The following LOXL4 variants were observed in gnomAD, a reference collection of about 807,000 sequenced individuals.
LOXL4 encodes lysyl oxidase like 4, also known as lysyl oxidase homolog 4.
LOXL4 carries 72 observed loss-of-function variants against 89.1 expected under a neutral mutation model. The ratio of observed to expected loss-of-function variants is 0.81; its 90% CI spans 0.67 to 0.98. The LOEUF is 0.98. LOXL4 is among the 50% of genes least tolerant of loss of function. The probability of loss-of-function intolerance (pLI) is 0.00; values close to 1 mark genes in which losing one functional copy is unlikely to be tolerated. For synonymous variants in LOXL4, 355 were observed against 392.1 expected (o/e 0.91, Z 1.12); for missense variants, 984 against 1,017.5 (o/e 0.97, Z 0.45).
At chr10:98,252,612 G>A (rs1858229535) in intron 11 of LOXL4, 144 bp from the exon 12 acceptor site, 9 of 600,956 alleles carry the variant, frequency 1.5e-5, no homozygotes, top group South Asian at 9.7e-5. Flanking sequence ...TCCCAAACCC[G>A]AGATTAGTGT....
Position 98,251,547 on chromosome 10 carries a change from A to G in LOXL4, c.2088+19T>C, listed in dbSNP as rs1387303179. ...CTGGAGGAAATCAGGCTCTGTGGGG[A>G]ATCCCCCAGCCGCCTTACCTGGAAG... is the stretch of plus-strand genomic sequence containing the variant. On this transcript the variant is annotated intron_variant, in intron 13 of 14. Transcript: ENST00000260702. 2 of 1,612,884 alleles carry G rather than the reference A, an allele frequency of 1.2e-6. No individual in the cohort carries two copies. The highest frequency in any genetic ancestry group is 1.7e-6 in the Non-Finnish European group (2 of 1,179,388).
At chr10:98,266,077 C>T (rs1858677179) in intron 1 of LOXL4, among the ~76,000 whole-genome samples, 1 of 152,154 alleles carries the variant, frequency 6.6e-6, no homozygotes, top group South Asian at 2.1e-4. Flanking sequence ...CATTGTTTCC[C>T]ATTCCCTCCT....
intron 9 of LOXL4, chr10:98,256,070 GCTC>G (rs1261488985): frequency 4.0e-6 from 1 of 249,466 alleles, no homozygotes; most frequent in East Asian, 8.9e-5. Flanking sequence ...TTCCCCAGCT[GCTC>G]CTCAAGCGGC....
chr10:98,257,878 A>AG lies in LOXL4; in HGVS notation c.1106-75dup, dbSNP rs1858425427. On this transcript the variant is annotated intron_variant, in intron 7 of 14. Coordinates refer to ENST00000260702, the MANE Select transcript of LOXL4 (RefSeq NM_032211.7). ...CACACTTGTGGCTTCCCCTTCACAGAGGGGGATAACTTTCTGTCCTGGCCC... is the reference window on the plus strand; with the variant it reads ...CACACTTGTGGCTTCCCCTTCACAGAGGGGGGATAACTTTCTGTCCTGGCCC... The AG allele has an allele frequency of 1.5e-4, 242 of 1,579,060 alleles. 1 individual carries two copies. The South Asian group carries it at 2.7e-3, about 18-fold the overall frequency.
intron 3 of LOXL4, 23 bp downstream of exon 3, chr10:98,262,012 C>G: frequency 6.3e-7 from 1 of 1,589,680 alleles, no homozygotes; most frequent in South Asian, 1.1e-5. Flanking sequence ...TGGCTCAGAC[C>G]AGAGCCTGAA....
At chr10:98,262,253 G>A (rs1397147572) in intron 2 of LOXL4, 40 bp from the exon 3 acceptor site, 4 of 1,605,544 alleles carry the variant, frequency 2.5e-6, no homozygotes, top group Non-Finnish European at 2.6e-6. Flanking sequence ...GCACAGAGAG[G>A]CAGGTCACAG....
Position 98,248,907 on chromosome 10 carries a change from G to A in LOXL4, c.*14C>T. ...TGGTGTATCGGCAGCAGCTAGGAGT[G>A]TGCAGTGACAGCTTCAGATGAGGTT... On this transcript the variant is annotated 3_prime_UTR_variant, in exon 15 of 15. Coordinates refer to ENST00000260702, the MANE Select transcript of LOXL4 (RefSeq NM_032211.7). 6.2e-7 allele frequency: 1 copy of A among 1,608,938 alleles called. No individual in the cohort carries two copies. The highest frequency in any genetic ancestry group is 8.5e-7 in the Non-Finnish European group (1 of 1,176,276).
In LOXL4 at chr10:98,261,015, A is replaced by G. The variant is rs1590883437; in HGVS notation, c.569T>C (p.Val190Ala). 1 of 1,613,586 alleles carries G rather than the reference A, an allele frequency of 6.2e-7. No homozygotes were observed. Residue 190 changes from valine (V) to alanine (A), a missense_variant, in exon 4 of 15, where the codon GTG (valine) becomes GCG (alanine). By Grantham distance (64) the Val-to-Ala change is moderately conservative. Coordinates refer to ENST00000260702, the MANE Select transcript of LOXL4 (RefSeq NM_032211.7). ...GTTCATGGTCCAGCCCTGGTCACAC[A>G]CCTGCCGCCAGTGGCCCTCATACTT... is the stretch of plus-strand genomic sequence containing the variant. ...EVKYEGHWRQ[V>A]CDQGWTMNNS...
chr10:98,255,534 C>T (rs1220196345), intron 10 of LOXL4, 43 bp downstream of exon 10: 2 of 1,567,630 alleles, frequency 1.3e-6, no homozygotes, highest in East Asian at 2.3e-5. Flanking sequence ...AAGGGGAGCA[C>T]AGGCCTACCT....
intron 1 of LOXL4, among the ~76,000 whole-genome samples, chr10:98,263,948 G>A (rs1858616371): frequency 6.6e-6 from 1 of 151,822 alleles, no homozygotes; most frequent in Non-Finnish European, 1.5e-5. Context: ...GGCCACACTG[G>A]TCTTGAACTC....
At chr10:98,252,541 A>ACAGGCCC (rs1858227759) in intron 11 of LOXL4, 73 bp from the exon 12 acceptor site, 1 of 1,049,232 alleles carries the variant, frequency 9.5e-7, no homozygotes, top group Non-Finnish European at 1.5e-6. Context: ...GGTAGGGAAG[A>ACAGGCCC]CAGGCCCCAG....
At position 98,258,014 on chromosome 10, in the gene LOXL4, G is replaced by T; in HGVS notation, c.1072C>A (p.Arg358=). The change falls in exon 7 of 15, where the codon CGG becomes AGG. Residue 358 remains arginine (R), a synonymous_variant. Coordinates refer to ENST00000260702, the MANE Select transcript of LOXL4 (RefSeq NM_032211.7). The part of the protein sequence containing the change: ...VCRQLGFGSA[R]EALFGARLGQ... ...AGCCGGGCCCCAAAGAGGGCCTCCC[G>T]AGCAGAGCCAAAGCCCAGCTGACGA... 1 of 1,613,870 alleles carries T rather than the reference G, an allele frequency of 6.2e-7. No homozygotes were observed. The highest frequency in any genetic ancestry group is 8.5e-7 in the Non-Finnish European group (1 of 1,180,022).
intron 13 of LOXL4, among the ~76,000 whole-genome samples, 178 bp downstream of exon 13, chr10:98,251,388 C>CATT (rs1858187671): frequency 6.6e-6 from 1 of 152,214 alleles, no homozygotes; most frequent in Non-Finnish European, 1.5e-5. Context: ...AATCAATACT[C>CATT]AAACACAGGT....
chr10:98,250,183 T>C (rs1858147596), intron 14 of LOXL4, among the ~76,000 whole-genome samples: 1 of 152,210 alleles, frequency 6.6e-6, no homozygotes, highest in South Asian at 2.1e-4. Context: ...TCCTGTGCTC[T>C]TTCTCTACTC....
In LOXL4 at chr10:98,251,541, G is replaced by A. The variant is rs138062420; in HGVS notation, c.2088+25C>T. ...GAACATCTGGAGGAAATCAGGCTCTGTGGGGAATCCCCCAGCCGCCTTACC... is the reference window on the plus strand; with the variant it reads ...GAACATCTGGAGGAAATCAGGCTCTATGGGGAATCCCCCAGCCGCCTTACC... On this transcript the variant is annotated intron_variant, in intron 13 of 14. Coordinates refer to ENST00000260702, the MANE Select transcript of LOXL4 (RefSeq NM_032211.7). 3,798 of 1,612,674 alleles carry A rather than the reference G, an allele frequency of 2.4e-3. 11 individuals carry two copies. Among genetic ancestry groups the A allele is most frequent in the Admixed American group, 2.8e-3 (168 of 59,900 alleles).
rs766992310 is a variant in LOXL4 at position 98,258,085 on chromosome 10, G to A, written c.1001C>T (p.Thr334Met). The A allele has an allele frequency of 2.2e-5, 35 of 1,613,532 alleles. No individual in the cohort carries two copies. The highest frequency in any genetic ancestry group is 6.7e-5 in the East Asian group (3 of 44,884). The change falls in exon 7 of 15, where the codon ACG becomes ATG. Residue 334 changes from threonine to methionine, a missense_variant. Transcript: ENST00000260702. ...GAGGTTCCACCTGTGGTCACAGACC[G>A]TGCCCCACTGGCGGTTCATGAGCAC... Reference protein sequence around the residue: ...VEVLMNRQWGTVCDHRWNLIS... With the variant: ...VEVLMNRQWGMVCDHRWNLIS...
intron 12 of LOXL4, chr10:98,251,959 T>A (rs945580158): frequency 3.8e-6 from 2 of 532,790 alleles, no homozygotes; most frequent in Admixed American, 7.1e-5. Flanking sequence ...CTAATTTACT[T>A]GTGCATCCGC....
At chr10:98,267,980 G>C (rs1484751372) in intron 1 of LOXL4, among the ~76,000 whole-genome samples, 152 bp downstream of exon 1, 1 of 152,162 alleles carries the variant, frequency 6.6e-6, no homozygotes, top group African/African-American at 2.4e-5. Context: ...GCGACTGGAG[G>C]GCCGGGCTGA....
chr10:98,256,916 T>A lies in LOXL4; in HGVS notation c.1292A>T (p.Glu431Val). The stretch of plus-strand genomic sequence containing the variant: ...CTCCACCTGCACCTCCAATAGCCCC[T>A]CCTCAGGGATACGCCCACCAGCCAA... ...VRLAGGRIPE[E>V]GLLEVQVEVN... The change falls in exon 9 of 15, where the codon GAG becomes GTG. Residue 431 changes from glutamate to valine, a missense_variant. Transcript: ENST00000260702. The A allele has an allele frequency of 6.2e-7, 1 of 1,613,660 alleles. No individual in the cohort carries two copies.
Sources: gnomAD v4.1 joint callset for allele counts (sites outside exome capture counted in the v4.1 genomes callset) on GRCh38, gnomAD v4.1.1 for gene constraint, MANE v1.5 for transcripts, NCBI Gene and HGNC (gene_info 2026-07-23, HGNC 2026-07-21) for gene names.